The following GATD1 variants were observed in gnomAD, a reference collection of about 807,000 sequenced individuals.
The protein encoded by GATD1 is glutamine amidotransferase-like class 1 domain-containing protein 1.
In GATD1, 23 loss-of-function variants were observed where a neutral mutation model predicts 25.9. That is an observed-to-expected ratio of 0.89 (90% CI 0.64 to 1.26). The LOEUF (loss-of-function observed/expected upper bound fraction) is 1.26, where lower values mean the gene tolerates loss of function less well. GATD1 is among the 50% of genes most tolerant of loss of function. GATD1 has a pLI of 0.00. For missense variants in GATD1, 347 were observed against 312.5 expected, an observed-to-expected ratio of 1.11 and a Z score of -0.83; for synonymous variants, 177 against 134.6, an observed-to-expected ratio of 1.31 and a Z score of -2.18.
intron 3 of GATD1, 22 bp from the exon 4 acceptor site, chr11:773,651 G>C (rs775647479): frequency 2.0e-5 from 31 of 1,561,886 alleles, no homozygotes; most frequent in Admixed American, 9.1e-5. Context: ...CCACAAACCA[G>C]GTAGCAGCCA....
intron 2 of GATD1, among the ~76,000 whole-genome samples, chr11:774,708 T>C (rs1460036634): frequency 1.3e-5 from 2 of 152,170 alleles, no homozygotes; most frequent in South Asian, 2.1e-4. Flanking sequence ...CGCATGCCTG[T>C]AATCCCAGCT....
In GATD1 at chr11:775,057, TGGA is replaced by T; in HGVS notation, c.141+6_141+8del. On this transcript the variant is annotated splice_donor_region_variant and intron_variant, in intron 2 of 7. Coordinates refer to ENST00000319863, the MANE Select transcript of GATD1 (RefSeq NM_182612.4). The stretch of plus-strand genomic sequence containing the variant: ...AAGTGTCCAGTGGGGAAGGAGAGGC[TGGA>T]CTTACCCCAGGGGTGGCCACCTGCA... The T allele has an allele frequency of 6.3e-7, 1 of 1,598,226 alleles. No individual in the cohort carries two copies. Among genetic ancestry groups the T allele is most frequent in the Non-Finnish European group, 8.5e-7 (1 of 1,173,738 alleles).
chr11:770,702 G>T lies in GATD1; in HGVS notation c.*195C>A, dbSNP rs1357048018. The T allele has an allele frequency of 2.8e-6, 4 of 1,441,568 alleles. No homozygotes were observed. Among genetic ancestry groups the T allele is most frequent in the South Asian group, 1.5e-5 (1 of 67,186 alleles). The allele number at this position is 1,441,568 out of a possible 1,614,324, so 89.3% of individuals were successfully genotyped here. On this transcript the variant is annotated 3_prime_UTR_variant, in exon 8 of 8. Transcript: ENST00000319863. The stretch of plus-strand genomic sequence containing the variant: ...ACCAGAGAACATGCAGGAGGATGGG[G>T]GTTTGGACCCTCCAGGAGAGCCGAC...
chr11:771,831 G>A (rs1045087608), intron 5 of GATD1, among the ~76,000 whole-genome samples: 35 of 152,222 alleles, frequency 2.3e-4, no homozygotes, highest in Admixed American at 3.9e-4. Context: ...TCACCCCTCG[G>A]AGGGCACCAC....
At chr11:773,178 C>T (rs1448437068) in intron 4 of GATD1, among the ~76,000 whole-genome samples, 2 of 152,238 alleles carry the variant, frequency 1.3e-5, no homozygotes, top group Non-Finnish European at 2.9e-5. Context: ...AACAGCCTTC[C>T]TCCCTGCACC....
chr11:773,627 C>T lies in GATD1; in HGVS notation c.250G>A (p.Ala84Thr). The change falls in exon 4 of 8, where the codon GCC becomes ACC. Residue 84 changes from alanine (A) to threonine (T), a missense_variant and splice_region_variant. Physicochemically the swap from Ala to Thr is moderately conservative, Grantham distance 58. Coordinates refer to ENST00000319863, the MANE Select transcript of GATD1 (RefSeq NM_182612.4). Reference protein sequence around the residue: ...SPAKLESIDGARYHALLIPSC... With the variant: ...SPAKLESIDGTRYHALLIPSC... ...GGGATCAGGAGGGCATGGTACCGGG[C>T]ACCTGGGGGGAGACCACAAACCAGG... 3 of 1,605,598 alleles carry T rather than the reference C, an allele frequency of 1.9e-6. No homozygotes were observed. The highest frequency in any genetic ancestry group is 2.5e-6 in the Non-Finnish European group (3 of 1,177,270).
chr11:777,416 G>A lies in GATD1; in HGVS notation c.47C>T (p.Ala16Val). The change falls in exon 1 of 8, where the codon GCC (alanine) becomes GTC (valine). Residue 16 changes from alanine (A) to valine (V), a missense_variant. Ala to Val is a moderately conservative substitution (Grantham distance 64). Coordinates refer to ENST00000319863, the MANE Select transcript of GATD1 (RefSeq NM_182612.4). The part of the protein sequence containing the change: ...LPNRPACLLV[A>V]SGAAEGVSAQ... ...GGCCTCACCTTCGGCGGCGCCGCTG[G>A]CCACGAGCAGACAGGCGGGCCTGTT... 1.5e-6 allele frequency: 2 copies of A among 1,293,512 alleles called. No individual in the cohort carries two copies. The highest frequency in any genetic ancestry group is 2.0e-6 in the Non-Finnish European group (2 of 1,019,450). The allele number at this position is 1,293,512 out of a possible 1,614,324, so 80.1% of individuals were successfully genotyped here.
chr11:771,223 G>C (rs1369231656), intron 6 of GATD1, 110 bp downstream of exon 6: 1 of 1,546,870 alleles, frequency 6.5e-7, no homozygotes, highest in Non-Finnish European at 8.7e-7. Context: ...CTGAGTCAGT[G>C]CCATGGGGGT....
In GATD1 at chr11:770,829, G is replaced by GA. The variant is rs1389822891; in HGVS notation, c.*67dup. ...TCAGGAGGGAAGAGGCGGGGTCCCT[G>GA]AAGCCTGAGACGGGGCTGCCTCTGG... On this transcript the variant is annotated 3_prime_UTR_variant, in exon 8 of 8. Transcript: ENST00000319863. The GA allele has an allele frequency of 1.3e-6, 2 of 1,555,142 alleles. No individual in the cohort carries two copies. The highest frequency in any genetic ancestry group is 2.7e-5 in the African/African-American group (2 of 73,820).
chr11:777,415 G>A lies in GATD1; in HGVS notation c.48C>T (p.Ala16=). 1.5e-6 allele frequency: 2 copies of A among 1,294,568 alleles called. No homozygotes were observed. The highest frequency in any genetic ancestry group is 2.0e-6 in the Non-Finnish European group (2 of 1,020,036). The allele number at this position is 1,294,568 out of a possible 1,614,324, so 80.2% of individuals were successfully genotyped here. A position where few individuals can be genotyped will look rare whatever the true frequency, so the allele number is the denominator to read the frequency against. The change falls in exon 1 of 8, where the codon GCC becomes GCT. Residue 16 remains alanine, a synonymous_variant. Coordinates refer to ENST00000319863, the MANE Select transcript of GATD1 (RefSeq NM_182612.4). The part of the protein sequence containing the change: ...LPNRPACLLV[A]SGAAEGVSAQ... Reference sequence around the variant, plus strand: ...GGGCCTCACCTTCGGCGGCGCCGCTGGCCACGAGCAGACAGGCGGGCCTGT... The same window carrying A: ...GGGCCTCACCTTCGGCGGCGCCGCTAGCCACGAGCAGACAGGCGGGCCTGT...
chr11:767,483 T>C lies in GATD1; in HGVS notation c.*3414A>G. On this transcript the variant is annotated 3_prime_UTR_variant, in exon 8 of 8. Coordinates refer to ENST00000319863, the MANE Select transcript of GATD1 (RefSeq NM_182612.4). ...CAGGCAGCTCACGCGGAGACAGGTC[T>C]GTGGGGCCCCGCGTCAGAACCCACT... 7.0e-7 allele frequency: 1 copy of C among 1,438,548 alleles called. No homozygotes were observed. Among genetic ancestry groups the C allele is most frequent in the Non-Finnish European group, 9.1e-7 (1 of 1,102,134 alleles). The allele number at this position is 1,438,548 out of a possible 1,614,324, so 89.1% of individuals were successfully genotyped here.
chr11:773,352 C>G, intron 4 of GATD1, 170 bp downstream of exon 4: 2 of 603,952 alleles, frequency 3.3e-6, no homozygotes, highest in Non-Finnish European at 2.9e-6. Flanking sequence ...CTGTGTGTGT[C>G]GGGGGAAGGG....
chr11:775,973 A>ATTTTT (rs1863922946), intron 1 of GATD1, among the ~76,000 whole-genome samples: 10 of 68,498 alleles, frequency 1.5e-4, no homozygotes, highest in East Asian at 7.2e-4. Context: ...TTTTATCTTC[A>ATTTTT]TTCTTTTTTT....
Position 770,648 on chromosome 11 carries a change from A to G in GATD1, c.*249T>C. On this transcript the variant is annotated 3_prime_UTR_variant, in exon 8 of 8. Transcript: ENST00000319863. ...CACCTAGCAGCTAGCACAGCTCTCC[A>G]GGCACGTGGGGTCTTTTCTCTGCCT... 1 of 1,418,920 alleles carries G rather than the reference A, an allele frequency of 7.0e-7. No homozygotes were observed. The highest frequency in any genetic ancestry group is 9.2e-7 in the Non-Finnish European group (1 of 1,090,366). 87.9% of individuals were successfully genotyped at this position (1,418,920 alleles called of 1,614,324 possible). A position where few individuals can be genotyped will look rare whatever the true frequency, so the allele number is the denominator to read the frequency against.
At chr11:774,647 A>T (rs1863784108) in intron 2 of GATD1, among the ~76,000 whole-genome samples, 1 of 152,200 alleles carries the variant, frequency 6.6e-6, no homozygotes, top group African/African-American at 2.4e-5. Context: ...CCTGGCCAAC[A>T]CGGTGAAAAC....
rs146646149 is a variant in GATD1, at chr11:771,590, T to C, written c.451-164A>G. ...CTGCTAAGGCTGGAGGGCGGAGAGA[T>C]GACAAAGTCTAGCCATCTTCCCATG... On this transcript the variant is annotated intron_variant, in intron 5 of 7. Coordinates refer to ENST00000319863, the MANE Select transcript of GATD1 (RefSeq NM_182612.4). 2.4e-4 allele frequency: 333 copies of C among 1,393,660 alleles called. 1 individual carries two copies. The African/African-American group carries it at 4.0e-3, about 17-fold the overall frequency. 86.3% of individuals were successfully genotyped at this position (1,393,660 alleles called of 1,614,324 possible).
At chr11:776,023 G>A (rs1290071911) in intron 1 of GATD1, among the ~76,000 whole-genome samples, 4 of 111,990 alleles carry the variant, frequency 3.6e-5, no homozygotes, top group East Asian at 2.7e-4. Flanking sequence ...TCGGTCTGTC[G>A]CCAGGCTGGA....
At chr11:772,647 C>G (rs1590089341) in intron 4 of GATD1, 126 bp from the exon 5 acceptor site, 1 of 843,508 alleles carries the variant, frequency 1.2e-6, no homozygotes, top group East Asian at 2.6e-5. Context: ...TCCCAGGTTT[C>G]CCTGGAAACT....
Position 771,038 on chromosome 11 carries a change from G to C in GATD1, c.611C>G (p.Ser204Cys). The change falls in exon 7 of 8, where the codon TCC becomes TGC. Residue 204 changes from serine to cysteine, a missense_variant. Ser to Cys is a moderately radical substitution (Grantham distance 112, BLOSUM62 -1). Coordinates refer to ENST00000319863, the MANE Select transcript of GATD1 (RefSeq NM_182612.4). ...RHLVTGQNAS[S>C]TVPAVQNLLF... is the part of the protein sequence containing the mutation. ...CAGGTTCTGCACGGCCGGGACAGTGGAGCTGGCATTCTGGCCTGTGACCAG... is the reference window on the plus strand; with the variant it reads ...CAGGTTCTGCACGGCCGGGACAGTGCAGCTGGCATTCTGGCCTGTGACCAG... The C allele has an allele frequency of 6.2e-7, 1 of 1,612,770 alleles. No individual in the cohort carries two copies. The highest frequency in any genetic ancestry group is 1.6e-4 in the Middle Eastern group (1 of 6,062).
Sources: gnomAD v4.1 joint callset for allele counts (sites outside exome capture counted in the v4.1 genomes callset) on GRCh38, gnomAD v4.1.1 for gene constraint, MANE v1.5 for transcripts, NCBI Gene and HGNC (gene_info 2026-07-23, HGNC 2026-07-21) for gene names.